The following JAK1 variants were observed in gnomAD, a reference collection of about 807,000 sequenced individuals.
The protein encoded by JAK1 is Janus kinase 1.
JAK1 carries 16 observed loss-of-function variants against 136.6 expected under a neutral mutation model. The observed-to-expected ratio is 0.12, with a 90% CI of 0.08 to 0.18. The LOEUF (loss-of-function observed/expected upper bound fraction) is 0.18, where lower values mean the gene tolerates loss of function less well. Among genes scored for constraint, JAK1 ranks in the 10% least tolerant of loss-of-function variants. The pLI, the probability that JAK1 is intolerant of heterozygous loss-of-function variation, is 1.00. For missense variants in JAK1, 859 were observed against 1,450.1 expected, an observed-to-expected ratio of 0.59 and a Z score of 6.62; for synonymous variants, 492 against 519.5, an observed-to-expected ratio of 0.95 and a Z score of 0.72.
At chr1:64,949,605 T>C (rs1028885025) in intron 1 of JAK1, among the ~76,000 whole-genome samples, 1 of 152,250 alleles carries the variant, frequency 6.6e-6, no homozygotes, top group African/African-American at 2.4e-5. Flanking sequence ...TCTGCCTTTA[T>C]GATAAGGAAT....
intron 1 of JAK1, among the ~76,000 whole-genome samples, chr1:64,932,172 T>C (rs1361917142): frequency 7.0e-6 from 1 of 141,944 alleles, no homozygotes; most frequent in African/African-American, 2.6e-5. Flanking sequence ...CCCAGAACGT[T>C]GGGGGGCCGA....
intron 1 of JAK1, among the ~76,000 whole-genome samples, chr1:64,960,144 C>T (rs1357376893): frequency 6.6e-6 from 1 of 152,156 alleles, no homozygotes; most frequent in African/African-American, 2.4e-5. Context: ...GGGAGGATTG[C>T]TTGAGCCCAG....
intron 4 of JAK1, among the ~76,000 whole-genome samples, chr1:64,878,145 T>C (rs987795027): frequency 1.3e-5 from 2 of 152,246 alleles, no homozygotes; most frequent in Non-Finnish European, 2.9e-5. Flanking sequence ...ACTGTTTTAA[T>C]ACCTCTGTAA....
intron 1 of JAK1, among the ~76,000 whole-genome samples, chr1:65,052,056 C>T (rs963193874): frequency 1.3e-5 from 2 of 151,738 alleles, no homozygotes; most frequent in African/African-American, 2.4e-5. Context: ...CCTGGGCTCA[C>T]GCAATCCTGC....
chr1:64,858,385 C>T (rs1656078482), intron 9 of JAK1, among the ~76,000 whole-genome samples: 1 of 151,614 alleles, frequency 6.6e-6, no homozygotes. Flanking sequence ...GAGAGAGGGC[C>T]GCCATGGTTC....
In JAK1 at chr1:64,960,157, G is replaced by A. The variant is rs377406320; in HGVS notation, c.-78+6176C>T. ...TGGGGAGGATTGCTTGAGCCCAGAA[G>A]GTCAACGCTGACTTGAGTTATGACC... On this transcript the variant is annotated intron_variant, in intron 1 of 24. Coordinates refer to ENST00000342505, the MANE Select transcript of JAK1 (RefSeq NM_002227.4). 3.7e-4 allele frequency among the ~76,000 whole-genome samples: 57 copies of A among 152,258 alleles called. No individual in the cohort carries two copies. The South Asian group carries it at 0.011, about 30-fold the overall frequency.
At chr1:65,007,855 C>G (rs895634116) in intron 2 of JAK1, among the ~76,000 whole-genome samples, 1 of 151,992 alleles carries the variant, frequency 6.6e-6, no homozygotes, top group African/African-American at 2.4e-5. Flanking sequence ...AAGTGATTCT[C>G]CTGCCTCAGC....
chr1:64,950,911 C>G (rs191013570), intron 1 of JAK1, among the ~76,000 whole-genome samples: 168 of 152,330 alleles, frequency 1.1e-3, no homozygotes, highest in Non-Finnish European at 1.6e-3. Context: ...CTTAAACACT[C>G]TGATTCCTTT....
At chr1:64,955,885 G>T (rs546525399) in intron 1 of JAK1, among the ~76,000 whole-genome samples, 4 of 152,210 alleles carry the variant, frequency 2.6e-5, no homozygotes, top group Non-Finnish European at 5.9e-5. Context: ...CAAAGGGAGA[G>T]ATCAGGGTTA....
At position 65,029,099 on chromosome 1, in the gene JAK1, C is replaced by CA. The variant is rs1553182714; in HGVS notation, c.-78+15380_-78+15381insT. ...TTACAATAGTGGGTATTTATTTTTC[C>CA]TTTTTTTTTTCTCCTGAGACAGGGT... On this transcript the variant is annotated intron_variant, in intron 2 of 25. Coordinates refer to the JAK1 transcript ENST00000671954. 9.4e-4 allele frequency among the ~76,000 whole-genome samples: 140 copies of CA among 149,016 alleles called. 4 individuals carry two copies. The South Asian group carries it at 0.029, about 31-fold the overall frequency.
intron 1 of JAK1, among the ~76,000 whole-genome samples, chr1:65,050,507 G>T (rs753902829): frequency 1.3e-5 from 2 of 152,228 alleles, no homozygotes; most frequent in Admixed American, 6.5e-5. Flanking sequence ...GGCCAGGCCA[G>T]TCAACTGGGT....
At position 64,972,944 on chromosome 1, in the gene JAK1, C is replaced by A. The variant is rs374950272; in HGVS notation, c.-78+71536G>T. 3.3e-5 allele frequency: 5 copies of A among 152,146 alleles called. No homozygotes were observed. In the South Asian group the frequency reaches 8.3e-4, roughly 25 times the overall value. 9.4% of individuals were successfully genotyped at this position (152,146 alleles called of 1,614,324 possible). A position where few individuals can be genotyped will look rare whatever the true frequency, so the allele number is the denominator to read the frequency against. On this transcript the variant is annotated intron_variant, in intron 2 of 25. Coordinates refer to the JAK1 transcript ENST00000671954. Reference sequence around the variant, plus strand: ...GACCAGCCTGGGCAACATAGGGAGACCCTGGACTCTATAAAAAATTTAAAA... The same window carrying A: ...GACCAGCCTGGGCAACATAGGGAGAACCTGGACTCTATAAAAAATTTAAAA...
rs1287741981 is a variant in JAK1, at chr1:64,926,570, A to AACG, written c.-78+39762_-78+39763insCGT. Among the ~76,000 whole-genome samples, 18 of 152,090 alleles carry AACG rather than the reference A, an allele frequency of 1.2e-4. No homozygotes were observed. The East Asian group carries it at 3.3e-3, about 28-fold the overall frequency. ...TGTATTTTCCTACAATGCTGACCACAACCACCACCACCACTAGATATACAG... is the reference window on the plus strand; with the variant it reads ...TGTATTTTCCTACAATGCTGACCACAACGACCACCACCACCACTAGATATACAG... On this transcript the variant is annotated intron_variant, in intron 1 of 24. Coordinates refer to ENST00000342505, the MANE Select transcript of JAK1 (RefSeq NM_002227.4).
At chr1:64,887,984 A>G (rs1644877744) in intron 1 of JAK1, among the ~76,000 whole-genome samples, 1 of 152,140 alleles carries the variant, frequency 6.6e-6, no homozygotes. Context: ...TCCTCACAGC[A>G]TACCGTTACC....
chr1:65,042,146 A>C (rs1353874493), intron 2 of JAK1, among the ~76,000 whole-genome samples: 1 of 152,232 alleles, frequency 6.6e-6, no homozygotes, highest in Non-Finnish European at 1.5e-5. Flanking sequence ...CGAATTTTAA[A>C]GCAGTACAGT....
chr1:64,928,800 A>AAAAACAAC lies in JAK1; in HGVS notation c.-78+37532_-78+37533insGTTGTTTT, dbSNP rs1553170049. ...CTGCAAAAAAAAAAAAAAAAAACAA[A>AAAAACAAC]AAAAAAAAACTCTGCAAAAAAAGTA... On this transcript the variant is annotated intron_variant, in intron 1 of 24. Transcript: ENST00000342505. Among the ~76,000 whole-genome samples, 306 of 150,254 alleles carry AAAAACAAC rather than the reference A, an allele frequency of 2.0e-3. 2 individuals are homozygous for AAAAACAAC. Among genetic ancestry groups the AAAAACAAC allele is most frequent in the African/African-American group, 6.8e-3 (279 of 40,976 alleles).
In JAK1 at chr1:64,844,035, G is replaced by A. The variant is rs1195257685; in HGVS notation, c.2403+29C>T. 3 of 1,612,144 alleles carry A rather than the reference G, an allele frequency of 1.9e-6. No homozygotes were observed. The highest frequency in any genetic ancestry group is 2.5e-6 in the Non-Finnish European group (3 of 1,179,280). ...CACGAGCACCTGAAAGCCCTCACTT[G>A]CCTCACGCCCCGGGAAACACCTGCT... On this transcript the variant is annotated intron_variant, in intron 17 of 24. Transcript: ENST00000342505. The surrounding 1 kb of genome is among the most constrained non-coding windows in gnomAD (Gnocchi z 5.7).
intron 2 of JAK1, among the ~76,000 whole-genome samples, chr1:65,043,331 T>C (rs1002785858): frequency 1.3e-5 from 2 of 152,198 alleles, no homozygotes; most frequent in Non-Finnish European, 2.9e-5. Flanking sequence ...AAGTGGCACC[T>C]ACTTTCAATA....
intron 2 of JAK1, among the ~76,000 whole-genome samples, chr1:64,978,855 TAA>T (rs76186540): frequency 2.9e-5 from 4 of 139,626 alleles, no homozygotes; most frequent in Non-Finnish European, 3.1e-5. Flanking sequence ...TTTGATAGAT[TAA>T]AAAAAAAAAA....
Sources: gnomAD v4.1 joint callset for allele counts (sites outside exome capture counted in the v4.1 genomes callset) on GRCh38, gnomAD v4.1.1 for gene constraint, Gnocchi (gnomAD v3.1) non-coding constraint, MANE v1.5 for transcripts, NCBI Gene and HGNC (gene_info 2026-07-23, HGNC 2026-07-21) for gene names.